RPTOR: variants seen among roughly 807,000 people sequenced by gnomAD.
RPTOR encodes the protein regulatory associated protein of MTOR complex 1.
In RPTOR, 21 loss-of-function variants were observed where a neutral mutation model predicts 169.9. The observed-to-expected ratio is 0.12, with a 90% CI of 0.09 to 0.18. RPTOR has a LOEUF of 0.18. Ranked by LOEUF, RPTOR falls within the 10% of genes least tolerant of loss-of-function variation. The probability of loss-of-function intolerance (pLI) is 1.00; values close to 1 mark genes in which losing one functional copy is unlikely to be tolerated. For synonymous variants in RPTOR, 732 were observed against 753.2 expected (o/e 0.97, Z 0.46); for missense variants, 1,133 against 1,855.9 (o/e 0.61, Z 7.16).
At chr17:80,741,352 GC>G (rs1180053594) in intron 5 of RPTOR, among the ~76,000 whole-genome samples, 4 of 152,176 alleles carry the variant, frequency 2.6e-5, no homozygotes, top group Admixed American at 1.3e-4. Context: ...GCCATGGCAG[GC>G]AGTGGCAGTG....
intron 3 of RPTOR, among the ~76,000 whole-genome samples, chr17:80,654,221 C>T (rs553577269): frequency 5.9e-5 from 9 of 152,356 alleles, no homozygotes; most frequent in African/African-American, 2.2e-4. Context: ...TCCCCCACCC[C>T]GTGGGGTCTT....
At chr17:80,815,611 A>T (rs2067314529) in intron 7 of RPTOR, among the ~76,000 whole-genome samples, 1 of 152,270 alleles carries the variant, frequency 6.6e-6, no homozygotes. Context: ...AGCTGCCGGG[A>T]GCTGTGAGAT....
rs2084506410 is a variant in RPTOR at position 80,562,113 on chromosome 17, C to G, written c.162+16322C>G. ...TGGTGGCGGCTTGGGCTGGTAGTGA[C>G]AGGCCCGGCAGCCCCAAGAGCCCCT... On this transcript the variant is annotated intron_variant, in intron 1 of 33. Transcript: ENST00000306801. The surrounding 1 kb of genome is among the most constrained non-coding windows in gnomAD (Gnocchi z 4.4). 1.3e-5 allele frequency among the ~76,000 whole-genome samples: 2 copies of G among 152,140 alleles called. No homozygotes were observed. The highest frequency in any genetic ancestry group is 2.9e-5 in the Non-Finnish European group (2 of 67,982).
At chr17:80,932,146 CATATATAT>C (rs57950527) in intron 24 of RPTOR, among the ~76,000 whole-genome samples, 1 of 145,874 alleles carries the variant, frequency 6.9e-6, no homozygotes, top group African/African-American at 2.5e-5. Flanking sequence ...TCCAGGCATG[CATATATAT>C]ATATATATAT....
intron 1 of RPTOR, among the ~76,000 whole-genome samples, chr17:80,584,108 T>C (rs2143378623): frequency 6.6e-6 from 1 of 152,336 alleles, no homozygotes; most frequent in African/African-American, 2.4e-5. Context: ...CAGTGCGGGC[T>C]GAGCCAGGCC....
intron 2 of RPTOR, among the ~76,000 whole-genome samples, chr17:80,635,700 C>A (rs1199766345): frequency 6.6e-6 from 1 of 152,136 alleles, no homozygotes; most frequent in East Asian, 1.9e-4. Context: ...AGAGGGGTGC[C>A]AAAGAGGAGG....
intron 2 of RPTOR, among the ~76,000 whole-genome samples, chr17:80,637,614 T>C (rs548920861): frequency 2.0e-5 from 3 of 152,308 alleles, no homozygotes; most frequent in African/African-American, 7.2e-5. Context: ...GCCCCACTCT[T>C]GGGGAACTCT....
chr17:80,709,198 CT>C (rs1209032519), intron 4 of RPTOR: 1 of 550,728 alleles, frequency 1.8e-6, no homozygotes, highest in Non-Finnish European at 2.3e-6. Context: ...ATTTTAATTC[CT>C]TTCGTTAAAT....
intron 7 of RPTOR, chr17:80,804,681 A>G (rs2067199878): frequency 6.6e-6 from 1 of 152,282 alleles, no homozygotes; most frequent in East Asian, 1.9e-4. Flanking sequence ...AAAGTCGCAC[A>G]GCTAGGAGTG....
chr17:80,822,737 T>C (rs1369883744), intron 8 of RPTOR, among the ~76,000 whole-genome samples: 7 of 151,826 alleles, frequency 4.6e-5, no homozygotes, highest in Non-Finnish European at 1.0e-4. Flanking sequence ...TGCATACACG[T>C]GTGTATATGC....
intron 1 of RPTOR, among the ~76,000 whole-genome samples, chr17:80,617,132 A>G (rs931220461): frequency 6.6e-6 from 1 of 152,208 alleles, no homozygotes; most frequent in African/African-American, 2.4e-5. Context: ...GTGCATACAC[A>G]GAAGGGCCAG....
rs2066131577 is a variant in RPTOR at position 80,705,005 on chromosome 17, G to C, written c.349-2836G>C. 2.0e-5 allele frequency among the ~76,000 whole-genome samples: 3 copies of C among 152,396 alleles called. 1 individual carries two copies. In the South Asian group the frequency reaches 6.2e-4, roughly 32 times the overall value. On this transcript the variant is annotated intron_variant, in intron 3 of 33. Coordinates refer to ENST00000306801, the MANE Select transcript of RPTOR (RefSeq NM_020761.3). ...CATGGCTGGGGTCCCCCATGGGCCAGTGATGCCCACCTATGGGAGCAGGTG... is the reference window on the plus strand; with the variant it reads ...CATGGCTGGGGTCCCCCATGGGCCACTGATGCCCACCTATGGGAGCAGGTG...
chr17:80,842,333 AT>A (rs34731564), intron 10 of RPTOR, among the ~76,000 whole-genome samples: 28,174 of 149,808 alleles, frequency 0.19, 2,813 homozygotes, highest in African/African-American at 0.25. Context: ...TTGATTACTG[AT>A]TTTTTTTTTT....
chr17:80,922,439 C>G (rs1447095845), intron 21 of RPTOR, among the ~76,000 whole-genome samples: 2 of 152,192 alleles, frequency 1.3e-5, no homozygotes, highest in Non-Finnish European at 2.9e-5. Context: ...AGGCCCTGAC[C>G]CCTCAGGAGC....
At chr17:80,809,147 G>T (rs1043133476) in intron 7 of RPTOR, among the ~76,000 whole-genome samples, 3 of 152,238 alleles carry the variant, frequency 2.0e-5, no homozygotes, top group African/African-American at 7.2e-5. Context: ...CGTGCCAGTT[G>T]TGGCGCATCC....
chr17:80,652,118 C>T lies in RPTOR; in HGVS notation c.348+8308C>T, dbSNP rs529638374. Among the ~76,000 whole-genome samples the T allele has an allele frequency of 2.2e-3, 328 of 151,000 alleles. 4 individuals are homozygous for T. Among genetic ancestry groups the T allele is most frequent in the African/African-American group, 7.4e-3 (306 of 41,222 alleles). ...CTGGGAGGTGGAGGTTGTAGTAAGC[C>T]GAGATCACGCCACTGCACTCCAGCC... On this transcript the variant is annotated intron_variant, in intron 3 of 33. Coordinates refer to ENST00000306801, the MANE Select transcript of RPTOR (RefSeq NM_020761.3).
In RPTOR at chr17:80,575,339, T is replaced by G. The variant is rs192331618; in HGVS notation, c.162+29548T>G. On this transcript the variant is annotated intron_variant, in intron 1 of 33. Coordinates refer to ENST00000306801, the MANE Select transcript of RPTOR (RefSeq NM_020761.3). ...TCAGTTCAAATTATTCTCTAAATTT[T>G]ATTTTGACTTGATCAATTTATTATT... 2.0e-3 allele frequency among the ~76,000 whole-genome samples: 310 copies of G among 152,374 alleles called. 2 individuals carry two copies. Among genetic ancestry groups the G allele is most frequent in the African/African-American group, 7.2e-3 (300 of 41,588 alleles).
At chr17:80,758,691 G>C (rs1207456372) in intron 6 of RPTOR, among the ~76,000 whole-genome samples, 1 of 151,930 alleles carries the variant, frequency 6.6e-6, no homozygotes, top group African/African-American at 2.4e-5. Flanking sequence ...TCCCGTCCCC[G>C]CTCCCGGTTT....
intron 1 of RPTOR, among the ~76,000 whole-genome samples, chr17:80,558,235 A>G (rs2084435407): frequency 6.6e-6 from 1 of 152,218 alleles, no homozygotes; most frequent in African/African-American, 2.4e-5. Flanking sequence ...AGGGAGGTCA[A>G]GGCTGCAGTG....
Sources: allele counts gnomAD v4.1 joint callset (sites outside exome capture counted in the v4.1 genomes callset), GRCh38; gene constraint gnomAD v4.1.1; non-coding constraint Gnocchi (gnomAD v3.1); transcripts MANE v1.5; gene names NCBI Gene and HGNC (gene_info 2026-07-23, HGNC 2026-07-21).